MSI2: variants seen among roughly 807,000 people sequenced by gnomAD.
The protein encoded by MSI2 is musashi RNA binding protein 2.
Under a neutral mutation model 45.6 loss-of-function variants are expected in MSI2, and 17 were observed. That is an observed-to-expected ratio of 0.37 (90% CI 0.26 to 0.56). MSI2 has a LOEUF of 0.56. MSI2 is among the 20% of genes least tolerant of loss of function. MSI2 has a pLI of 0.77. For synonymous variants in MSI2, 156 were observed against 158.2 expected (o/e 0.99, Z 0.11); for missense variants, 293 against 444.2 (o/e 0.66, Z 3.06).
chr17:57,563,516 G>A lies in MSI2; in HGVS notation c.455-33352G>A, dbSNP rs140175492. ...AAGCTAGAACCAAGCTGGGAAGCGG[G>A]CTCTGGGCCCAGGATCAGAACCCCA... On this transcript the variant is annotated intron_variant, in intron 7 of 13. Coordinates refer to ENST00000284073, the MANE Select transcript of MSI2 (RefSeq NM_138962.4). Among the ~76,000 whole-genome samples the A allele has an allele frequency of 6.2e-3, 944 of 152,214 alleles. 7 individuals carry two copies. The highest frequency in any genetic ancestry group is 0.022 in the African/African-American group (900 of 41,528).
intron 6 of MSI2, among the ~76,000 whole-genome samples, chr17:57,495,864 A>G (rs1261912317): frequency 1.3e-5 from 2 of 152,210 alleles, no homozygotes; most frequent in African/African-American, 4.8e-5. Flanking sequence ...CTGTTTTTGT[A>G]TGTGGGAACG....
At chr17:57,469,480 T>A (rs1250124583) in intron 6 of MSI2, among the ~76,000 whole-genome samples, 1 of 152,192 alleles carries the variant, frequency 6.6e-6, no homozygotes. Flanking sequence ...GCCGAGTCAA[T>A]GGTCTCCCGA....
intron 7 of MSI2, among the ~76,000 whole-genome samples, chr17:57,580,886 C>T (rs879474611): frequency 6.6e-6 from 1 of 152,028 alleles, no homozygotes; most frequent in Non-Finnish European, 1.5e-5. Flanking sequence ...TGGTAGCCCA[C>T]TCATTCCAAG....
In MSI2 at chr17:57,673,338, C is replaced by G. The variant is rs369365681; in HGVS notation, c.791-1634C>G. 2.1e-3 allele frequency among the ~76,000 whole-genome samples: 318 copies of G among 152,356 alleles called. 1 individual carries two copies. Among genetic ancestry groups the G allele is most frequent in the Non-Finnish European group, 4.1e-3 (282 of 68,032 alleles). ...GGGGCCAAAGCCAGGAGTGACCCCA[C>G]CTGCATCGATGTTCTTTGCCTCTGC... is the stretch of plus-strand genomic sequence containing the variant. On this transcript the variant is annotated intron_variant, in intron 11 of 13. Coordinates refer to ENST00000284073, the MANE Select transcript of MSI2 (RefSeq NM_138962.4).
chr17:57,514,650 CTTTT>C (rs11318524), intron 6 of MSI2, among the ~76,000 whole-genome samples: 2 of 135,318 alleles, frequency 1.5e-5, no homozygotes, highest in Non-Finnish European at 3.1e-5. Flanking sequence ...TGAATTGATA[CTTTT>C]TTTTTTTTTT....
chr17:57,427,128 G>A (rs1054570198), intron 6 of MSI2, among the ~76,000 whole-genome samples: 1 of 152,358 alleles, frequency 6.6e-6, no homozygotes, highest in East Asian at 1.9e-4. Context: ...CAGGCGTGGT[G>A]GCTCACATCT....
At chr17:57,308,828 T>A (rs1912133625) in intron 5 of MSI2, among the ~76,000 whole-genome samples, 1 of 152,178 alleles carries the variant, frequency 6.6e-6, no homozygotes, top group South Asian at 2.1e-4. Context: ...AGGAGCTGTT[T>A]TTCCTGGTGA....
chr17:57,691,555 A>G, the MSI2 span, among the ~76,000 whole-genome samples: 2 of 152,230 alleles, frequency 1.3e-5, no homozygotes, highest in African/African-American at 2.4e-5. Context: ...TTTTCAGCAT[A>G]TAGAACTTGA....
chr17:57,656,103 G>A (rs190388660), intron 11 of MSI2, among the ~76,000 whole-genome samples: 4 of 152,196 alleles, frequency 2.6e-5, no homozygotes, highest in Admixed American at 6.5e-5. Flanking sequence ...GGCACAGCAC[G>A]GCCGTCTGAA....
At chr17:57,278,106 G>A (rs1050148948) in intron 5 of MSI2, 1 of 152,386 alleles carries the variant, frequency 6.6e-6, no homozygotes, top group South Asian at 2.1e-4. Context: ...GTTGAAGTGG[G>A]AGGATCTCTC....
At chr17:57,485,675 T>C (rs183876395) in intron 6 of MSI2, among the ~76,000 whole-genome samples, 1 of 152,228 alleles carries the variant, frequency 6.6e-6, no homozygotes, top group Non-Finnish European at 1.5e-5. Context: ...TTGATCTGCA[T>C]GCTGAGTTCC....
chr17:57,698,086 G>A, the MSI2 span, among the ~76,000 whole-genome samples: 1 of 152,006 alleles, frequency 6.6e-6, no homozygotes, highest in Admixed American at 6.6e-5. Flanking sequence ...CTCTCAGCAG[G>A]ATTCTGCCCT....
chr17:57,301,574 G>A (rs567635734), intron 5 of MSI2, among the ~76,000 whole-genome samples: 2 of 152,280 alleles, frequency 1.3e-5, no homozygotes, highest in African/African-American at 4.8e-5. Flanking sequence ...TTTCACCCTT[G>A]TATTAGAATA....
At chr17:57,518,247 G>A (rs898250589) in intron 6 of MSI2, among the ~76,000 whole-genome samples, 1 of 152,104 alleles carries the variant, frequency 6.6e-6, no homozygotes, top group Non-Finnish European at 1.5e-5. Flanking sequence ...ACAGAAAGAA[G>A]GTGCAGATGG....
intron 5 of MSI2, among the ~76,000 whole-genome samples, chr17:57,397,892 T>A (rs1220065520): frequency 6.6e-6 from 1 of 152,226 alleles, no homozygotes; most frequent in African/African-American, 2.4e-5. Flanking sequence ...CAGTGTTTGC[T>A]GAGGAGTGGG....
intron 5 of MSI2, among the ~76,000 whole-genome samples, chr17:57,338,888 C>T (rs1211049529): frequency 1.3e-5 from 2 of 152,144 alleles, no homozygotes; most frequent in Non-Finnish European, 2.9e-5. Flanking sequence ...TCCTTGTCTC[C>T]TTTGCAAGGA....
chr17:57,599,941 A>G (rs1421102839), intron 8 of MSI2, among the ~76,000 whole-genome samples: 1 of 152,162 alleles, frequency 6.6e-6, no homozygotes, highest in African/African-American at 2.4e-5. Context: ...ATCTCTTGCC[A>G]TTATCCTTGC....
chr17:57,427,870 T>C (rs937590028), intron 6 of MSI2, among the ~76,000 whole-genome samples: 13 of 152,050 alleles, frequency 8.5e-5, no homozygotes, highest in African/African-American at 2.7e-4. Flanking sequence ...TATTTTGGCT[T>C]TGTGAGCTCT....
chr17:57,558,402 G>A lies in MSI2; in HGVS notation c.454+28678G>A, dbSNP rs140205371. Among the ~76,000 whole-genome samples, 18 of 152,202 alleles carry A rather than the reference G, an allele frequency of 1.2e-4. No homozygotes were observed. The East Asian group carries it at 3.3e-3, about 28-fold the overall frequency. The stretch of plus-strand genomic sequence containing the variant: ...CTTTCGCCTCTGCTGTTGAGGCCCC[G>A]CATCCTGGAGTAAGTGAGTGGGGTC... On this transcript the variant is annotated intron_variant, in intron 7 of 13. Transcript: ENST00000284073.
Sources: allele counts gnomAD v4.1 joint callset (sites outside exome capture counted in the v4.1 genomes callset), GRCh38; gene constraint gnomAD v4.1.1; transcripts MANE v1.5; gene names NCBI Gene and HGNC (gene_info 2026-07-23, HGNC 2026-07-21).